The following NRXN1 variants were observed in gnomAD, a reference collection of about 807,000 sequenced individuals.
The protein encoded by NRXN1 is neurexin 1, also known as neurexin-1.
A neutral mutation model predicts 150.9 loss-of-function variants in NRXN1; 39 were observed. The observed-to-expected ratio is 0.26, with a 90% CI of 0.20 to 0.34. The LOEUF is 0.34. Ranked by LOEUF, NRXN1 falls within the 10% of genes least tolerant of loss-of-function variation. The probability of loss-of-function intolerance (pLI) is 1.00; values close to 1 mark genes in which losing one functional copy is unlikely to be tolerated. For missense variants in NRXN1, 1,815 were observed against 1,949.9 expected (o/e 0.93, Z 1.30); for synonymous variants, 924 against 757.0 (o/e 1.22, Z -3.62).
intron 19 of NRXN1, among the ~76,000 whole-genome samples, chr2:50,069,859 T>G (rs1334484236): frequency 6.7e-6 from 1 of 150,092 alleles, no homozygotes; most frequent in Non-Finnish European, 1.5e-5. Context: ...TTTTTTTTTT[T>G]TTTTTTTTTG....
chr2:50,738,640 A>C (rs1175741356), intron 5 of NRXN1, among the ~76,000 whole-genome samples: 2 of 152,160 alleles, frequency 1.3e-5, no homozygotes, highest in Admixed American at 6.5e-5. Flanking sequence ...CACTTTTTTA[A>C]ATTGGCAATC....
intron 5 of NRXN1, among the ~76,000 whole-genome samples, chr2:50,680,471 A>T (rs989823845): frequency 6.6e-6 from 1 of 152,148 alleles, no homozygotes; most frequent in African/African-American, 2.4e-5. Flanking sequence ...CTATAGATAT[A>T]GGTAAAATAC....
At chr2:50,076,717 CATTAAGAGG>C (rs1454946067) in intron 19 of NRXN1, among the ~76,000 whole-genome samples, 2 of 152,136 alleles carry the variant, frequency 1.3e-5, no homozygotes, top group African/African-American at 2.4e-5. Context: ...CAATTTTAGT[CATTAAGAGG>C]AGTATTCAAG....
chr2:50,575,308 C>T (rs1257783379), intron 8 of NRXN1, among the ~76,000 whole-genome samples: 6 of 152,172 alleles, frequency 3.9e-5, no homozygotes, highest in Non-Finnish European at 8.8e-5. Flanking sequence ...CATTGCTGTG[C>T]AATCAGCCCT....
intron 21 of NRXN1, among the ~76,000 whole-genome samples, chr2:50,039,170 C>A (rs947922827): frequency 1.3e-5 from 2 of 151,908 alleles, no homozygotes; most frequent in African/African-American, 4.8e-5. Context: ...AAGCAAGACT[C>A]CATCTCAAAC....
At chr2:49,995,861 TAAAAAAAA>T (rs60974625) in intron 21 of NRXN1, among the ~76,000 whole-genome samples, 1 of 66,174 alleles carries the variant, frequency 1.5e-5, no homozygotes, top group Non-Finnish European at 2.9e-5. Context: ...TGCTGGATAG[TAAAAAAAA>T]AAAAAAAAAA....
At chr2:50,808,188 T>C (rs1667754443) in intron 5 of NRXN1, among the ~76,000 whole-genome samples, 1 of 152,090 alleles carries the variant, frequency 6.6e-6, no homozygotes, top group Admixed American at 6.6e-5. Flanking sequence ...TGTAAATAGT[T>C]TCCGGGGCAA....
At chr2:50,586,648 C>G (rs996596983) in intron 8 of NRXN1, among the ~76,000 whole-genome samples, 6 of 151,988 alleles carry the variant, frequency 3.9e-5, no homozygotes, top group African/African-American at 1.4e-4. Flanking sequence ...ACAAGCATAC[C>G]CTTATTAAGT....
At chr2:50,566,135 T>C (rs1455936719) in intron 8 of NRXN1, among the ~76,000 whole-genome samples, 2 of 152,220 alleles carry the variant, frequency 1.3e-5, no homozygotes, top group African/African-American at 4.8e-5. Flanking sequence ...GGCTGTCTTC[T>C]ATTTCGGTTG....
intron 5 of NRXN1, among the ~76,000 whole-genome samples, chr2:50,844,439 G>T (rs1267439978): frequency 6.6e-6 from 1 of 152,152 alleles, no homozygotes; most frequent in Non-Finnish European, 1.5e-5. Context: ...ACATTTGCAG[G>T]CTGGCTGCCA....
At chr2:50,602,342 T>C (rs1297057252) in intron 8 of NRXN1, among the ~76,000 whole-genome samples, 5 of 152,028 alleles carry the variant, frequency 3.3e-5, no homozygotes, top group African/African-American at 7.2e-5. Flanking sequence ...AGAGAAGATT[T>C]TGGCCTCCCT....
intron 17 of NRXN1, among the ~76,000 whole-genome samples, chr2:50,313,577 G>A (rs965948185): frequency 2.0e-5 from 3 of 152,080 alleles, no homozygotes; most frequent in African/African-American, 4.8e-5. Flanking sequence ...GTAAGCCAAG[G>A]AATCTGGGCA....
intron 5 of NRXN1, among the ~76,000 whole-genome samples, chr2:50,733,593 C>T (rs1392228845): frequency 2.0e-5 from 3 of 152,100 alleles, no homozygotes; most frequent in African/African-American, 7.2e-5. Context: ...AAAGTAAATA[C>T]AACCATAATT....
intron 2 of NRXN1, among the ~76,000 whole-genome samples, chr2:50,996,550 C>A (rs1460249261): frequency 6.6e-6 from 1 of 151,994 alleles, no homozygotes; most frequent in Non-Finnish European, 1.5e-5. Context: ...TGGAATGAAA[C>A]CCAGAAATCT....
At chr2:50,925,905 G>A (rs751460162) in intron 3 of NRXN1, 33 bp downstream of exon 3, 7 of 1,538,792 alleles carry the variant, frequency 4.5e-6, no homozygotes, top group Non-Finnish European at 6.2e-6. Flanking sequence ...AAGGACAAAT[G>A]AGAGTTGGAA....
chr2:50,529,202 A>G (rs2093035962), intron 11 of NRXN1, among the ~76,000 whole-genome samples: 1 of 152,184 alleles, frequency 6.6e-6, no homozygotes, highest in South Asian at 2.1e-4. Flanking sequence ...TAAAAAGGTA[A>G]CTGCCAGATG....
intron 18 of NRXN1, among the ~76,000 whole-genome samples, chr2:50,216,331 T>C (rs1299732199): frequency 1.3e-5 from 2 of 152,102 alleles, no homozygotes; most frequent in Non-Finnish European, 2.9e-5. Context: ...GTTATTGTTT[T>C]TTCAAACTTA....
intron 19 of NRXN1, among the ~76,000 whole-genome samples, chr2:50,086,365 G>C (rs961008832): frequency 6.6e-6 from 1 of 152,114 alleles, no homozygotes; most frequent in Non-Finnish European, 1.5e-5. Flanking sequence ...TATTTTACCA[G>C]ATTTCATGGA....
At chr2:50,379,887 T>C (rs1332723219) in intron 17 of NRXN1, among the ~76,000 whole-genome samples, 3 of 152,170 alleles carry the variant, frequency 2.0e-5, no homozygotes, top group Non-Finnish European at 4.4e-5. Context: ...CTAATCCTTC[T>C]TTATAGCCTA....
Sources: gnomAD v4.1 joint callset for allele counts (sites outside exome capture counted in the v4.1 genomes callset) on GRCh38, gnomAD v4.1.1 for gene constraint, MANE v1.5 for transcripts, NCBI Gene and HGNC (gene_info 2026-07-23, HGNC 2026-07-21) for gene names.